KALRN: variants seen among roughly 807,000 people sequenced by gnomAD.
KALRN encodes kalirin.
A neutral mutation model predicts 353.7 loss-of-function variants in KALRN; 70 were observed. That is an observed-to-expected ratio of 0.20 (90% CI 0.16 to 0.24). KALRN has a LOEUF of 0.24. Among genes scored for constraint, KALRN ranks in the 10% least tolerant of loss-of-function variants. KALRN has a pLI of 1.00. For missense variants in KALRN, 2,791 were observed against 3,756.7 expected, an observed-to-expected ratio of 0.74 and a Z score of 6.72; for synonymous variants, 1,391 against 1,434.8, an observed-to-expected ratio of 0.97 and a Z score of 0.69.
intron 5 of KALRN, among the ~76,000 whole-genome samples, chr3:124,291,390 A>G (rs2076408342): frequency 6.6e-6 from 1 of 151,746 alleles, no homozygotes; most frequent in Non-Finnish European, 1.5e-5. Flanking sequence ...TTTTTTTTTT[A>G]CCATAAGAAA....
chr3:124,310,969 A>G (rs530102402), intron 6 of KALRN, among the ~76,000 whole-genome samples: 224 of 152,182 alleles, frequency 1.5e-3, no homozygotes, highest in African/African-American at 5.1e-3. Flanking sequence ...CATTTCTTCA[A>G]TAATATATAC....
rs887619291 is a variant in KALRN at position 124,334,055 on chromosome 3, C to T, written c.1417-210C>T. On this transcript the variant is annotated intron_variant, in intron 8 of 59. Coordinates refer to ENST00000682506, the MANE Select transcript of KALRN (RefSeq NM_001388419.1). The surrounding 1 kb of genome is among the most constrained non-coding windows in gnomAD (Gnocchi z 4.2). ...AGACAACTGGCCAGCACTCCAGCAA[C>T]TCCCACATCAGGGGATTCCAGCTGC... is the stretch of plus-strand genomic sequence containing the variant. Among the ~76,000 whole-genome samples, 1 of 152,200 alleles carries T rather than the reference C, an allele frequency of 6.6e-6. No individual in the cohort carries two copies. Among genetic ancestry groups the T allele is most frequent in the Non-Finnish European group, 1.5e-5 (1 of 68,038 alleles).
intron 8 of KALRN, among the ~76,000 whole-genome samples, chr3:124,331,882 G>T (rs1034178209): frequency 6.6e-6 from 1 of 152,168 alleles, no homozygotes; most frequent in Admixed American, 6.5e-5. Context: ...CAGATGTAGA[G>T]ACTGAGGCAG....
rs577671636 is a variant in KALRN, at chr3:124,476,393, G to A, written c.4102-852G>A. On this transcript the variant is annotated intron_variant, in intron 26 of 59. Transcript: ENST00000682506. ...ATGATAACAGAACTCACTGTATAGA[G>A]GTCTCATGAGGACCAAATGAGTTAA... is the stretch of plus-strand genomic sequence containing the variant. Among the ~76,000 whole-genome samples the A allele has an allele frequency of 5.3e-5, 8 of 151,660 alleles. No homozygotes were observed. In the South Asian group the frequency reaches 1.7e-3, roughly 32 times the overall value.
chr3:124,176,189 G>C (rs760180533), intron 1 of KALRN, among the ~76,000 whole-genome samples: 2 of 152,040 alleles, frequency 1.3e-5, no homozygotes, highest in Non-Finnish European at 2.9e-5. Flanking sequence ...AGTCTTTTCA[G>C]TTGTTTTTTA....
chr3:124,035,515 G>A (rs1357849285), intron 1 of KALRN, among the ~76,000 whole-genome samples: 1 of 152,014 alleles, frequency 6.6e-6, no homozygotes, highest in East Asian at 1.9e-4. Flanking sequence ...TCCCTTTCTG[G>A]ACTCCACTTT....
chr3:124,519,395 C>CA (rs1182546964), intron 33 of KALRN: 1 of 985,414 alleles, frequency 1.0e-6, no homozygotes. Context: ...CACAGAGTTT[C>CA]ATGGAAACCC....
chr3:124,317,701 G>C (rs1273261043), intron 6 of KALRN, among the ~76,000 whole-genome samples: 1 of 109,464 alleles, frequency 9.1e-6, no homozygotes, highest in African/African-American at 3.6e-5. Context: ...CAAGCTCTAA[G>C]TAGCCAGGCC....
rs1282330437 is a variant in KALRN, at chr3:124,699,898, T to A, written c.7861T>A (p.Ser2621Thr). The change falls in exon 56 of 60, where the codon TCG becomes ACG. Residue 2621 changes from serine to threonine, a missense_variant. Transcript: ENST00000682506. Reference protein sequence around the residue: ...GSQIWQQSVASTLDTYLVIED... With the variant: ...GSQIWQQSVATTLDTYLVIED... ...TCAGATCTGGCAGCAGTCAGTGGCTTCGACCTTGGACACTTACCTCGTCAT... is the reference window on the plus strand; with the variant it reads ...TCAGATCTGGCAGCAGTCAGTGGCTACGACCTTGGACACTTACCTCGTCAT... The A allele has an allele frequency of 2.5e-6, 4 of 1,614,118 alleles. No homozygotes were observed. Among genetic ancestry groups the A allele is most frequent in the Non-Finnish European group, 3.4e-6 (4 of 1,180,044 alleles).
intron 57 of KALRN, among the ~76,000 whole-genome samples, chr3:124,711,431 G>A (rs1046954394): frequency 8.5e-5 from 13 of 152,176 alleles, no homozygotes; most frequent in Admixed American, 1.3e-4. Context: ...CATCTTCATG[G>A]TGGCCATGAC....
chr3:124,519,093 G>A (rs1156724568), intron 33 of KALRN: 1 of 985,606 alleles, frequency 1.0e-6, no homozygotes, highest in South Asian at 4.7e-5. Flanking sequence ...GATTTTTTCA[G>A]GTTTTTCTAG....
chr3:124,174,167 C>A (rs542313740), intron 1 of KALRN, among the ~76,000 whole-genome samples: 7 of 152,218 alleles, frequency 4.6e-5, no homozygotes, highest in Middle Eastern at 3.4e-3. Flanking sequence ...GGCATGGTAG[C>A]TCATGCCTGT....
At chr3:124,629,436 G>A (rs2080490895) in intron 34 of KALRN, among the ~76,000 whole-genome samples, 1 of 152,070 alleles carries the variant, frequency 6.6e-6, no homozygotes, top group Admixed American at 6.5e-5. Context: ...TCATAATAAA[G>A]TTTATACTCC....
intron 3 of KALRN, among the ~76,000 whole-genome samples, chr3:124,247,401 A>G (rs1228871273): frequency 6.6e-6 from 1 of 152,240 alleles, no homozygotes; most frequent in East Asian, 1.9e-4. Context: ...TTCTCAAAGA[A>G]CTGTAGTAAA....
chr3:124,520,649 G>C (rs954482752), intron 33 of KALRN, among the ~76,000 whole-genome samples: 6 of 152,250 alleles, frequency 3.9e-5, no homozygotes, highest in African/African-American at 1.2e-4. Flanking sequence ...CTGAGCTAAG[G>C]CACTCCCATG....
intron 37 of KALRN, among the ~76,000 whole-genome samples, chr3:124,650,498 G>T (rs1317521483): frequency 6.6e-6 from 1 of 152,154 alleles, no homozygotes; most frequent in African/African-American, 2.4e-5. Flanking sequence ...ATTTGGTATA[G>T]AATTGCGATC....
chr3:124,191,612 A>G (rs2074928084), intron 1 of KALRN, among the ~76,000 whole-genome samples: 1 of 152,178 alleles, frequency 6.6e-6, no homozygotes, highest in African/African-American at 2.4e-5. Context: ...TTAATACCAT[A>G]TCTGATGCCT....
intron 16 of KALRN, among the ~76,000 whole-genome samples, chr3:124,432,404 A>T (rs2093313899): frequency 6.6e-6 from 1 of 152,108 alleles, no homozygotes; most frequent in African/African-American, 2.4e-5. Context: ...ATAGAGTGAG[A>T]CCCTGTCTCA....
chr3:124,178,732 G>A (rs1023261510), intron 1 of KALRN, among the ~76,000 whole-genome samples: 4 of 152,198 alleles, frequency 2.6e-5, no homozygotes, highest in African/African-American at 9.7e-5. Flanking sequence ...AGTGGTGAGT[G>A]AATGTGAAGG....
Sources: allele counts gnomAD v4.1 joint callset (sites outside exome capture counted in the v4.1 genomes callset), GRCh38; gene constraint gnomAD v4.1.1; non-coding constraint Gnocchi (gnomAD v3.1); transcripts MANE v1.5; gene names NCBI Gene and HGNC (gene_info 2026-07-23, HGNC 2026-07-21).